The following CCDC171 variants were observed in gnomAD, a reference collection of about 807,000 sequenced individuals.
CCDC171 encodes coiled-coil domain containing 171.
A neutral mutation model predicts 168.2 loss-of-function variants in CCDC171; 177 were observed. The ratio of observed to expected loss-of-function variants is 1.05; its 90% confidence interval spans 0.93 to 1.19. The LOEUF (loss-of-function observed/expected upper bound fraction) is 1.19. Among genes scored for constraint, CCDC171 ranks in the 50% most tolerant of loss-of-function variants. The pLI, the probability that CCDC171 is intolerant of heterozygous loss-of-function variation, is 0.00. For missense variants in CCDC171, 1,991 were observed against 1,539.0 expected (o/e 1.29, Z -4.91); for synonymous variants, 687 against 540.8 (o/e 1.27, Z -3.75).
At chr9:15,920,140 T>G in intron 24 of CCDC171, 130 bp from the exon 25 acceptor site, 1 of 526,598 alleles carries the variant, frequency 1.9e-6, no homozygotes, top group Non-Finnish European at 3.2e-6. Flanking sequence ...AGGTTTAGCT[T>G]TATTATTTTA....
intron 1 of CCDC171, among the ~76,000 whole-genome samples, chr9:15,554,402 A>G (rs1331476108): frequency 1.3e-5 from 2 of 152,206 alleles, no homozygotes; most frequent in Admixed American, 1.3e-4. Flanking sequence ...TTTTCATAAA[A>G]TGCAGAGGAA....
At chr9:16,069,984 C>T in the CCDC171 span, among the ~76,000 whole-genome samples, 7 of 152,150 alleles carry the variant, frequency 4.6e-5, no homozygotes, top group African/African-American at 1.4e-4. Context: ...CTGCCAGACT[C>T]TCCTCTCCCT....
intron 3 of CCDC171, among the ~76,000 whole-genome samples, chr9:16,008,954 C>A (rs1241007413): frequency 2.0e-5 from 3 of 152,076 alleles, no homozygotes; most frequent in Non-Finnish European, 2.9e-5. Flanking sequence ...AGGCCCTTGG[C>A]CAGTCCAGGC....
intron 24 of CCDC171, among the ~76,000 whole-genome samples, chr9:15,903,040 G>A (rs1170885713): frequency 1.3e-5 from 2 of 152,286 alleles, no homozygotes; most frequent in African/African-American, 2.4e-5. Flanking sequence ...CGGGAAGCTC[G>A]AACTGGGTGG....
intron 1 of CCDC171, among the ~76,000 whole-genome samples, chr9:16,060,080 T>G (rs1586871007): frequency 6.6e-6 from 1 of 152,194 alleles, no homozygotes. Flanking sequence ...AGACGTAGCA[T>G]GTAAATGTAT....
intron 11 of CCDC171, among the ~76,000 whole-genome samples, chr9:15,706,327 T>C (rs1158053563): frequency 6.6e-6 from 1 of 152,046 alleles, no homozygotes; most frequent in African/African-American, 2.4e-5. Flanking sequence ...TCTCACTCTG[T>C]TGGTTGGGCT....
intron 21 of CCDC171, among the ~76,000 whole-genome samples, chr9:15,834,823 A>G (rs1046389125): frequency 6.6e-6 from 1 of 152,236 alleles, no homozygotes; most frequent in Non-Finnish European, 1.5e-5. Flanking sequence ...TACAAGGAAA[A>G]TCACTATGAT....
intron 21 of CCDC171, among the ~76,000 whole-genome samples, chr9:15,784,897 C>A (rs1389664605): frequency 1.3e-5 from 2 of 152,030 alleles, no homozygotes; most frequent in Non-Finnish European, 2.9e-5. Context: ...GCTTTACTTG[C>A]TGGTTGAAAA....
intron 7 of CCDC171, among the ~76,000 whole-genome samples, chr9:15,634,038 G>T (rs934815000): frequency 2.6e-5 from 4 of 152,014 alleles, no homozygotes; most frequent in South Asian, 2.1e-4. Context: ...GGTGGGGAGA[G>T]GGGGGCGGGA....
chr9:16,096,752 G>C, the CCDC171 span, among the ~76,000 whole-genome samples: 8 of 152,184 alleles, frequency 5.3e-5, no homozygotes, highest in Admixed American at 3.3e-4. Flanking sequence ...CTTGGGGCTA[G>C]AGGTAGTGAT....
chr9:15,885,222 A>T (rs934384057), intron 24 of CCDC171, among the ~76,000 whole-genome samples: 1 of 152,148 alleles, frequency 6.6e-6, no homozygotes, highest in Non-Finnish European at 1.5e-5. Flanking sequence ...AACAAAAATG[A>T]CAAAACGTAT....
intron 1 of CCDC171, among the ~76,000 whole-genome samples, chr9:16,047,077 C>T (rs1833673770): frequency 6.6e-6 from 1 of 152,194 alleles, no homozygotes; most frequent in Non-Finnish European, 1.5e-5. Context: ...CACAGTTTCC[C>T]TGGGTGACCT....
Position 15,685,469 on chromosome 9 carries a change from A to G in CCDC171, c.1215+6573A>G, listed in dbSNP as rs553341486. Among the ~76,000 whole-genome samples the G allele has an allele frequency of 7.9e-5, 12 of 152,104 alleles. No individual in the cohort carries two copies. In the South Asian group the frequency reaches 2.3e-3, roughly 29 times the overall value. On this transcript the variant is annotated intron_variant, in intron 10 of 25. Transcript: ENST00000380701. ...ACGTAGTGAGACTCCCATATCTACA[A>G]AAAAATTTAAAAAAAATGAGCTGTG...
chr9:15,836,282 T>C (rs2060446166), intron 21 of CCDC171, among the ~76,000 whole-genome samples: 2 of 152,214 alleles, frequency 1.3e-5, no homozygotes, highest in Admixed American at 1.3e-4. Flanking sequence ...TGCTTCTGCT[T>C]CATATGTCCA....
intron 21 of CCDC171, among the ~76,000 whole-genome samples, chr9:15,794,702 C>G: frequency 6.6e-6 from 1 of 152,144 alleles, no homozygotes; most frequent in East Asian, 1.9e-4. Context: ...ACATGTGATA[C>G]AGATGGCATG....
intron 19 of CCDC171, among the ~76,000 whole-genome samples, chr9:15,778,326 A>ATAAAT (rs1195879315): frequency 1.5e-4 from 12 of 81,372 alleles, no homozygotes; most frequent in African/African-American, 4.5e-4. Context: ...AAAAAAAAAA[A>ATAAAT]AAAAAAAAAA....
intron 6 of CCDC171, among the ~76,000 whole-genome samples, chr9:16,028,521 T>C (rs2133036455): frequency 6.6e-6 from 1 of 152,304 alleles, no homozygotes; most frequent in African/African-American, 2.4e-5. Flanking sequence ...TACTAAATAT[T>C]ATTTGTTGTT....
intron 21 of CCDC171, among the ~76,000 whole-genome samples, chr9:15,795,317 C>T (rs551485186): frequency 5.5e-4 from 84 of 152,276 alleles, no homozygotes; most frequent in African/African-American, 2.0e-3. Flanking sequence ...TTTATGATGG[C>T]AGAGCCCTGA....
intron 21 of CCDC171, among the ~76,000 whole-genome samples, chr9:15,833,591 A>G (rs918742321): frequency 6.6e-6 from 1 of 152,142 alleles, no homozygotes; most frequent in Non-Finnish European, 1.5e-5. Context: ...TTATTATCTT[A>G]TGACTTGTAT....
Sources: gnomAD v4.1 joint callset for allele counts (sites outside exome capture counted in the v4.1 genomes callset) on GRCh38, gnomAD v4.1.1 for gene constraint, MANE v1.5 for transcripts, NCBI Gene and HGNC (gene_info 2026-07-23, HGNC 2026-07-21) for gene names.